Variants in MEGF11 observed in about 807,000 individuals in gnomAD.
MEGF11 encodes the protein multiple epidermal growth factor-like domains protein 11.
A neutral mutation model predicts 146.6 loss-of-function variants in MEGF11; 126 were observed. The ratio of observed to expected loss-of-function variants is 0.86; its 90% CI spans 0.74 to 1.00. The LOEUF is 1.00. Ranked by LOEUF, MEGF11 falls within the 50% of genes least tolerant of loss-of-function variation. MEGF11 has a pLI of 0.00. For missense variants in MEGF11, 1,509 were observed against 1,521.2 expected, an observed-to-expected ratio of 0.99 and a Z score of 0.13; for synonymous variants, 532 against 583.4, an observed-to-expected ratio of 0.91 and a Z score of 1.27.
chr15:66,172,974 T>C (rs1441614685), intron 1 of MEGF11, among the ~76,000 whole-genome samples: 2 of 152,176 alleles, frequency 1.3e-5, no homozygotes, highest in Non-Finnish European at 2.9e-5. Context: ...TCTTTGTATA[T>C]GGGCTACCCT....
At chr15:65,921,624 C>G (rs2079173516) in intron 15 of MEGF11, 1 of 152,368 alleles carries the variant, frequency 6.6e-6, no homozygotes, top group African/African-American at 2.4e-5. Context: ...CCTACCTTCT[C>G]ACTGGTTGTT....
chr15:66,135,143 C>A (rs539041773), intron 1 of MEGF11, among the ~76,000 whole-genome samples: 40 of 152,264 alleles, frequency 2.6e-4, no homozygotes, highest in Non-Finnish European at 5.0e-4. Flanking sequence ...CAAGGTCTGG[C>A]ACATAGATGG....
intron 5 of MEGF11, among the ~76,000 whole-genome samples, chr15:66,093,996 G>T (rs142718166): frequency 6.6e-6 from 1 of 152,294 alleles, no homozygotes; most frequent in African/African-American, 2.4e-5. Context: ...CTGAGCCTCT[G>T]TGGGCACCCA....
In MEGF11 at chr15:66,187,615, G is replaced by T. The variant is rs554323249; in HGVS notation, c.-8-59204C>A. ...TCTTGTGTACTCACACGCAAAGCAC[G>T]GTCTCTCCTACCTGGGACTCATTTC... On this transcript the variant is annotated intron_variant, in intron 1 of 25. Transcript: ENST00000395614. Among the ~76,000 whole-genome samples the T allele has an allele frequency of 6.6e-5, 10 of 152,302 alleles. No individual in the cohort carries two copies. The Middle Eastern group carries it at 0.017, about 259-fold the overall frequency.
chr15:66,252,253 G>C (rs1310766152), intron 1 of MEGF11, among the ~76,000 whole-genome samples: 1 of 132,316 alleles, frequency 7.6e-6, no homozygotes, highest in Non-Finnish European at 1.6e-5. Flanking sequence ...CCACCGGCCG[G>C]GGTTTTAACC....
intron 7 of MEGF11, among the ~76,000 whole-genome samples, chr15:65,978,994 C>T (rs2081544390): frequency 6.6e-6 from 1 of 151,206 alleles, no homozygotes. Context: ...TGAAATCTTA[C>T]CTAGAGCACC....
chr15:65,982,292 G>A lies in MEGF11; in HGVS notation c.591C>T (p.Cys197=), dbSNP rs2081674989. The A allele has an allele frequency of 1.3e-6, 2 of 1,539,732 alleles. No individual in the cohort carries two copies. The highest frequency in any genetic ancestry group is 2.5e-5 in the East Asian group (1 of 40,810). The change falls in exon 6 of 26, where the codon TGC becomes TGT. Residue 197 remains cysteine, a synonymous_variant. Coordinates refer to ENST00000395614, the MANE Select transcript of MEGF11 (RefSeq NM_001385028.1). This position sits in a 1 kb window ranked among gnomAD's most constrained non-coding sequence, Gnocchi z 5.6. ...LPCQCRHGAS[C]DPRAGECLCA... ...AGAGGCACTCGCCGGCGCGGGGGTC[G>A]CAGCTGGCACCGTGTCGGCACTGGC...
chr15:66,230,218 C>T (rs1751718113), intron 1 of MEGF11, among the ~76,000 whole-genome samples: 1 of 152,206 alleles, frequency 6.6e-6, no homozygotes, highest in Non-Finnish European at 1.5e-5. Context: ...TACTCCCTGC[C>T]TCCTGCTTCT....
intron 5 of MEGF11, among the ~76,000 whole-genome samples, chr15:66,093,271 G>C (rs1198526486): frequency 2.6e-5 from 4 of 152,202 alleles, no homozygotes; most frequent in African/African-American, 7.2e-5. Flanking sequence ...CATAGACAGA[G>C]AGGCTCCAGT....
chr15:66,051,503 G>C (rs572055904), intron 5 of MEGF11, among the ~76,000 whole-genome samples: 1 of 152,208 alleles, frequency 6.6e-6, no homozygotes, highest in Non-Finnish European at 1.5e-5. Flanking sequence ...AAAAAGCACA[G>C]AGGGAAGACA....
chr15:66,136,522 G>C (rs921213647), intron 1 of MEGF11, among the ~76,000 whole-genome samples: 3 of 152,144 alleles, frequency 2.0e-5, no homozygotes, highest in Non-Finnish European at 4.4e-5. Context: ...GAACCTTCCC[G>C]ACCGACCTAG....
intron 9 of MEGF11, among the ~76,000 whole-genome samples, chr15:65,959,205 C>T (rs1490315064): frequency 6.6e-6 from 1 of 152,158 alleles, no homozygotes; most frequent in African/African-American, 2.4e-5. Context: ...TGTCTTGTTC[C>T]CTTCTCAGGG....
chr15:66,163,112 C>A (rs1029478698), intron 1 of MEGF11, among the ~76,000 whole-genome samples: 4 of 152,154 alleles, frequency 2.6e-5, no homozygotes, highest in Non-Finnish European at 5.9e-5. Flanking sequence ...CAACCCCCAA[C>A]GTCTACGGTT....
At chr15:66,222,362 C>G (rs975158582) in intron 1 of MEGF11, among the ~76,000 whole-genome samples, 1 of 152,130 alleles carries the variant, frequency 6.6e-6, no homozygotes, top group Non-Finnish European at 1.5e-5. Context: ...ACTCAAAAGG[C>G]CTTTCCTCAA....
At chr15:66,118,105 A>G (rs2087822514) in intron 4 of MEGF11, among the ~76,000 whole-genome samples, 2 of 152,192 alleles carry the variant, frequency 1.3e-5, no homozygotes, top group Admixed American at 6.5e-5. Context: ...GAAGAGGCAG[A>G]AGCTTTGGGG....
chr15:66,066,881 A>G (rs970115054), intron 5 of MEGF11, among the ~76,000 whole-genome samples: 5 of 152,160 alleles, frequency 3.3e-5, no homozygotes, highest in African/African-American at 1.2e-4. Flanking sequence ...CAGGAGAGAG[A>G]GAGACCCCCA....
chr15:65,999,860 T>A (rs1373269443), intron 5 of MEGF11, among the ~76,000 whole-genome samples: 1 of 152,168 alleles, frequency 6.6e-6, no homozygotes, highest in Non-Finnish European at 1.5e-5. Flanking sequence ...TGACGGTAGG[T>A]CATTATCATC....
chr15:66,229,763 G>A (rs568838455), intron 1 of MEGF11, among the ~76,000 whole-genome samples: 3 of 152,304 alleles, frequency 2.0e-5, no homozygotes, highest in Admixed American at 2.0e-4. Context: ...GGGTAGCGGG[G>A]AGCAGCTGGG....
At chr15:65,930,283 T>C (rs775842909) in intron 11 of MEGF11, among the ~76,000 whole-genome samples, 27 of 152,218 alleles carry the variant, frequency 1.8e-4, no homozygotes, top group Non-Finnish European at 2.8e-4. Flanking sequence ...CCTTCCCTGT[T>C]CATGGTGGGG....
Sources: allele counts gnomAD v4.1 joint callset (sites outside exome capture counted in the v4.1 genomes callset), GRCh38; gene constraint gnomAD v4.1.1; non-coding constraint Gnocchi (gnomAD v3.1); transcripts MANE v1.5; gene names NCBI Gene and HGNC (gene_info 2026-07-23, HGNC 2026-07-21).